The following PSD4 variants were observed in gnomAD, a reference collection of about 807,000 sequenced individuals.
PSD4 encodes pleckstrin and Sec7 domain containing 4.
A neutral mutation model predicts 112.5 loss-of-function variants in PSD4; 59 were observed. The ratio of observed to expected loss-of-function variants is 0.52; its 90% CI spans 0.43 to 0.65. The LOEUF (loss-of-function observed/expected upper bound fraction) is 0.65, where lower values mean the gene tolerates loss of function less well. PSD4 is among the 30% of genes least tolerant of loss of function. The pLI is 0.00. For synonymous variants in PSD4, 533 were observed against 540.0 expected, an observed-to-expected ratio of 0.99 and a Z score of 0.18; for missense variants, 1,267 against 1,352.6, an observed-to-expected ratio of 0.94 and a Z score of 0.99.
intron 5 of PSD4, among the ~76,000 whole-genome samples, chr2:113,191,299 G>A (rs1250446325): frequency 6.6e-6 from 1 of 151,878 alleles, no homozygotes; most frequent in Non-Finnish European, 1.5e-5. Flanking sequence ...TCTTTTAGAC[G>A]GCATCTTGCT....
At chr2:113,178,419 G>T (rs1236728324) in intron 1 of PSD4, among the ~76,000 whole-genome samples, 1 of 151,076 alleles carries the variant, frequency 6.6e-6, no homozygotes, top group Admixed American at 6.6e-5. Flanking sequence ...GCAGCCTCTG[G>T]TATTTATTTT....
intron 11 of PSD4, 21 bp from the exon 12 acceptor site, chr2:113,196,126 G>A (rs746153001): frequency 1.2e-6 from 2 of 1,600,210 alleles, no homozygotes; most frequent in South Asian, 2.2e-5. Context: ...AGCACTTCCA[G>A]CCCGATTCTC....
chr2:113,199,728 C>A (rs752613672), intron 16 of PSD4, among the ~76,000 whole-genome samples: 1 of 152,188 alleles, frequency 6.6e-6, no homozygotes, highest in South Asian at 2.1e-4. Context: ...GAAACTGAGG[C>A]ACAGAGAAAT....
chr2:113,181,102 C>G (rs1688124092), intron 1 of PSD4, among the ~76,000 whole-genome samples: 2 of 151,838 alleles, frequency 1.3e-5, no homozygotes, highest in African/African-American at 4.8e-5. Flanking sequence ...GTGGTAGACG[C>G]CTATAATTCT....
chr2:113,206,958 C>T lies in PSD4; in HGVS notation c.*5543C>T, dbSNP rs957339874. 5 of 152,256 alleles carry T rather than the reference C, an allele frequency of 3.3e-5. No homozygotes were observed. The highest frequency in any genetic ancestry group is 1.9e-4 in the East Asian group (1 of 5,178). 9.4% of individuals were successfully genotyped at this position (152,256 alleles called of 1,614,324 possible). A position where few individuals can be genotyped will look rare whatever the true frequency, so the allele number is the denominator to read the frequency against. On this transcript the variant is annotated 3_prime_UTR_variant, in exon 17 of 17. Coordinates refer to ENST00000245796, the MANE Select transcript of PSD4 (RefSeq NM_012455.3). ...ATCCAGGTCAGGTGAGGCTTCATCT[C>T]GGGCTTCACTCTGATTCAAGGCCCC...
At position 113,193,515 on chromosome 2, in the gene PSD4, C is replaced by T. The variant is rs906460207; in HGVS notation, c.2033-77C>T. The T allele has an allele frequency of 3.9e-6, 6 of 1,536,196 alleles. No homozygotes were observed. In the Admixed American group the frequency reaches 8.4e-5, roughly 21 times the overall value. On this transcript the variant is annotated intron_variant, in intron 8 of 16. Transcript: ENST00000245796. ...AGCATTCCAGGGGTTATTCGGTTAC[C>T]CCACGCAGTGTGGGCAGAGGAAACA...
rs1459659390 is a variant in PSD4 at position 113,209,178 on chromosome 2, T to G, written c.*7763T>G. The G allele has an allele frequency of 6.6e-6, 1 of 152,218 alleles. No individual in the cohort carries two copies. The highest frequency in any genetic ancestry group is 1.5e-5 in the Non-Finnish European group (1 of 68,042). The allele number at this position is 152,218 out of a possible 1,614,324, so 9.4% of individuals were successfully genotyped here. A position where few individuals can be genotyped will look rare whatever the true frequency, so the allele number is the denominator to read the frequency against. On this transcript the variant is annotated 3_prime_UTR_variant, in exon 17 of 17. Transcript: ENST00000245796. ...TATGTGACCACAACACCCTTTCAGTTGACCACTAAGAGACTGAAGGCCAAT... is the reference window on the plus strand; with the variant it reads ...TATGTGACCACAACACCCTTTCAGTGGACCACTAAGAGACTGAAGGCCAAT...
Position 113,201,024 on chromosome 2 carries a change from T to C in PSD4, c.2914-134T>C, listed in dbSNP as rs955580152. 1.3e-5 allele frequency: 15 copies of C among 1,147,970 alleles called. No individual in the cohort carries two copies. In the African/African-American group the frequency reaches 1.6e-4, roughly 12 times the overall value. 71.1% of individuals were successfully genotyped at this position (1,147,970 alleles called of 1,614,324 possible). A position where few individuals can be genotyped will look rare whatever the true frequency, so the allele number is the denominator to read the frequency against. On this transcript the variant is annotated intron_variant, in intron 16 of 16. Transcript: ENST00000245796. ...CCAAGCATTATACTGACACTCACGG[T>C]TGGTCCAGCCCTCTTTCTGTCGAGG...
intron 1 of PSD4, among the ~76,000 whole-genome samples, chr2:113,180,469 G>T (rs1200866448): frequency 1.3e-5 from 2 of 152,194 alleles, no homozygotes; most frequent in African/African-American, 2.4e-5. Context: ...CCTACAGCCT[G>T]CCTGTGGGAG....
rs373886096 is a variant in PSD4, at chr2:113,182,990, A to T, written c.534A>T (p.Glu178Asp). The change falls in exon 2 of 17, where the codon GAA (glutamate) becomes GAT (aspartate). Residue 178 changes from glutamate to aspartate, a missense_variant. Around this residue, in one of 2 missense-constraint regions of PSD4, gnomAD observed 723 missense variants for 704.0 expected, o/e 1.03. Transcript: ENST00000245796. ...LDLEEELEKTEGLKAGLKCCL... is the reference protein window; with the variant it reads ...LDLEEELEKTDGLKAGLKCCL... ...TGGAGGAGGAGCTGGAGAAGACGGAAGGGCTCAAGGCTGGGCTGAAATGCT... is the reference window on the plus strand; with the variant it reads ...TGGAGGAGGAGCTGGAGAAGACGGATGGGCTCAAGGCTGGGCTGAAATGCT... The T allele has an allele frequency of 9.3e-6, 15 of 1,614,040 alleles. No homozygotes were observed. The African/African-American group carries it at 2.0e-4, about 22-fold the overall frequency.
intron 5 of PSD4, among the ~76,000 whole-genome samples, chr2:113,187,271 G>A (rs772602940): frequency 3.9e-5 from 6 of 152,222 alleles, no homozygotes; most frequent in Admixed American, 2.6e-4. Flanking sequence ...GAGGCCCCTA[G>A]CGTTGTTTTC....
chr2:113,190,992 G>T (rs1418515466), intron 5 of PSD4, among the ~76,000 whole-genome samples: 1 of 152,122 alleles, frequency 6.6e-6, no homozygotes, highest in Non-Finnish European at 1.5e-5. Context: ...TTCTATTTTG[G>T]GTTGGGTGAA....
chr2:113,182,099 A>G (rs1688151295), intron 1 of PSD4, among the ~76,000 whole-genome samples: 1 of 152,232 alleles, frequency 6.6e-6, no homozygotes. Flanking sequence ...GCTAAGCCAC[A>G]TGGGCTACCT....
In PSD4 at chr2:113,198,898, G is replaced by A. The variant is rs925460981; in HGVS notation, c.2769+14G>A. On this transcript the variant is annotated intron_variant, in intron 15 of 16. Coordinates refer to ENST00000245796, the MANE Select transcript of PSD4 (RefSeq NM_012455.3). Reference sequence around the variant, plus strand: ...CAGAGCTCCCTGGTACGGCCTCCGGGAAGGGGTGGGGTCCGGCGGAACTGG... The same window carrying A: ...CAGAGCTCCCTGGTACGGCCTCCGGAAAGGGGTGGGGTCCGGCGGAACTGG... The A allele has an allele frequency of 1.3e-6, 2 of 1,568,848 alleles. No individual in the cohort carries two copies. Among genetic ancestry groups the A allele is most frequent in the Non-Finnish European group, 1.7e-6 (2 of 1,164,530 alleles).
At position 113,201,259 on chromosome 2, in the gene PSD4, A is replaced by T. The variant is rs1483350498; in HGVS notation, c.3015A>T (p.Gly1005=). The T allele has an allele frequency of 2.5e-6, 4 of 1,613,972 alleles. No homozygotes were observed. In the African/African-American group the frequency reaches 5.3e-5, roughly 22 times the overall value. ...LWEEQLGREA[G]GTREPKLSLK... ...AGGAGCAGCTGGGGAGGGAAGCTGG[A>T]GGCACTCGGGAGCCCAAGCTCAGCC... The change falls in exon 17 of 17, where the codon GGA becomes GGT. Residue 1005 remains glycine, a synonymous_variant. Transcript: ENST00000245796.
At chr2:113,200,347 G>A (rs537424844) in intron 16 of PSD4, among the ~76,000 whole-genome samples, 17 of 152,290 alleles carry the variant, frequency 1.1e-4, no homozygotes, top group South Asian at 8.3e-4. Context: ...AAAATAGAGG[G>A]AATCAGAGGC....
intron 5 of PSD4, among the ~76,000 whole-genome samples, chr2:113,190,188 G>A (rs1688408372): frequency 6.6e-6 from 1 of 152,126 alleles, no homozygotes; most frequent in Non-Finnish European, 1.5e-5. Context: ...GTTGTTTTTT[G>A]TGTAAGGTGA....
chr2:113,196,430 T>C (rs1688617331), intron 12 of PSD4, 123 bp downstream of exon 12: 14 of 1,264,540 alleles, frequency 1.1e-5, no homozygotes, highest in Non-Finnish European at 1.5e-5. Flanking sequence ...AGCCAGCCCA[T>C]GTTCCTTCCT....
In PSD4 at chr2:113,186,255, A is replaced by C. The variant is rs781681742; in HGVS notation, c.1628A>C (p.His543Pro). 1.5e-5 allele frequency: 23 copies of C among 1,572,246 alleles called. No individual in the cohort carries two copies. In the South Asian group the frequency reaches 2.6e-4, roughly 18 times the overall value. The change falls in exon 5 of 17, where the codon CAT becomes CCT. Residue 543 changes from histidine (H) to proline (P), a missense_variant and splice_region_variant. His to Pro is a moderately conservative substitution (Grantham distance 77, BLOSUM62 -2). Around this residue, in one of 2 missense-constraint regions of PSD4, gnomAD observed 723 missense variants for 704.0 expected, o/e 1.03. Transcript: ENST00000245796. ...GACATTCACCTGACTTCTGCAGAACAGTAAGTCTCAGACTAACTGGCTCTC... is the reference window on the plus strand; with the variant it reads ...GACATTCACCTGACTTCTGCAGAACCGTAAGTCTCAGACTAACTGGCTCTC... Reference protein sequence around the residue: ...QPDIHLTSAEHENLRTPMNSS... With the variant: ...QPDIHLTSAEPENLRTPMNSS...
Sources: gnomAD v4.1 joint callset for allele counts (sites outside exome capture counted in the v4.1 genomes callset) on GRCh38, gnomAD v4.1.1 for gene constraint, gnomAD v4.1.1 regional missense constraint, MANE v1.5 for transcripts, NCBI Gene and HGNC (gene_info 2026-07-23, HGNC 2026-07-21) for gene names.